NUTM2F: variants seen among roughly 807,000 people sequenced by gnomAD.
NUTM2F encodes the protein NUT family member 2F.
In NUTM2F, 22 loss-of-function variants were observed where a neutral mutation model predicts 43.3. That is an observed-to-expected ratio of 0.51 (90% CI 0.36 to 0.73). NUTM2F has a LOEUF of 0.73. NUTM2F is among the 30% of genes least tolerant of loss of function. The pLI, the probability that NUTM2F is intolerant of heterozygous loss-of-function variation, is 0.00. For synonymous variants in NUTM2F, 202 were observed against 389.0 expected (o/e 0.52, Z 5.66); for missense variants, 488 against 927.4 (o/e 0.53, Z 6.15).
chr9:94,326,199 C>T (rs985853081), intron 1 of NUTM2F, among the ~76,000 whole-genome samples: 2 of 151,910 alleles, frequency 1.3e-5, no homozygotes, highest in African/African-American at 2.4e-5. Flanking sequence ...GGGTCTCCCT[C>T]GGGTGTCCCT....
Position 94,321,343 on chromosome 9 carries a change from C to T in NUTM2F, c.843-111G>A, listed in dbSNP as rs183547293. 6.0e-3 allele frequency: 9,126 copies of T among 1,508,466 alleles called. 91 individuals carry two copies. Among genetic ancestry groups the T allele is most frequent in the South Asian group, 0.027 (2,132 of 79,780 alleles). The allele number at this position is 1,508,466 out of a possible 1,614,324, so 93.4% of individuals were successfully genotyped here. A position where few individuals can be genotyped will look rare whatever the true frequency, so the allele number is the denominator to read the frequency against. On this transcript the variant is annotated intron_variant, in intron 3 of 6. Transcript: ENST00000253262. ...GAGGGAGTGCCTCCGGCGGGCTGTC[C>T]AGGCCCTCACTGGGACCCATCCCCC...
At chr9:94,324,069 AC>A (rs1159826426) in intron 2 of NUTM2F, among the ~76,000 whole-genome samples, 3 of 151,962 alleles carry the variant, frequency 2.0e-5, no homozygotes, top group African/African-American at 7.3e-5. Context: ...GGAGTTCAAG[AC>A]CAGCCTGCTC....
chr9:94,321,930 C>T (rs939876986), intron 3 of NUTM2F, among the ~76,000 whole-genome samples: 10 of 151,670 alleles, frequency 6.6e-5, no homozygotes, highest in East Asian at 1.9e-4. Context: ...CTTTGGGCTG[C>T]GATGCTGGCT....
intron 2 of NUTM2F, among the ~76,000 whole-genome samples, chr9:94,323,594 AT>A (rs1831407194): frequency 6.6e-6 from 1 of 152,166 alleles, no homozygotes. Flanking sequence ...CCTAGTCCTG[AT>A]AATGGTAGTA....
At position 94,321,198 on chromosome 9, in the gene NUTM2F, T is replaced by C. The variant is rs1831361313; in HGVS notation, c.877A>G (p.Ile293Val). 5 of 1,573,058 alleles carry C rather than the reference T, an allele frequency of 3.2e-6. No individual in the cohort carries two copies. The highest frequency in any genetic ancestry group is 1.8e-5 in the Admixed American group (1 of 56,364). Residue 293 changes from isoleucine to valine, a missense_variant, in exon 4 of 7, where the codon ATT (isoleucine) becomes GTT (valine). Coordinates refer to ENST00000253262, the MANE Select transcript of NUTM2F (RefSeq NM_017561.2). The part of the protein sequence containing the change: ...LEFEAEEEMQ[I>V]QKSQWMKGPQ... ...CCCTTCATCCACTGCGATTTCTGAATCTGCATCTCCTCCTCAGCCTCAAAT... is the reference window on the plus strand; with the variant it reads ...CCCTTCATCCACTGCGATTTCTGAACCTGCATCTCCTCCTCAGCCTCAAAT...
Position 94,320,280 on chromosome 9 carries a change from G to A in NUTM2F, c.1296C>T (p.Asp432=), listed in dbSNP as rs373939433. 2.5e-5 allele frequency: 41 copies of A among 1,613,954 alleles called. No homozygotes were observed. Among genetic ancestry groups the A allele is most frequent in the Middle Eastern group, 3.3e-4 (2 of 6,044 alleles). The change falls in exon 5 of 7, where the codon GAC becomes GAT. Residue 432 remains aspartate, a synonymous_variant. Coordinates refer to ENST00000253262, the MANE Select transcript of NUTM2F (RefSeq NM_017561.2). The surrounding 1 kb of genome is among the most constrained non-coding windows in gnomAD (Gnocchi z 4.5). ...GGAGGCCCGGGTCTGAGGTTATCCCGTCCTCTTCCTGCGGCTGCTCCACTT... is the reference window on the plus strand; with the variant it reads ...GGAGGCCCGGGTCTGAGGTTATCCCATCCTCTTCCTGCGGCTGCTCCACTT... The part of the protein sequence containing the change: ...KGKVEQPQEE[D]GITSDPGLLS...
At chr9:94,321,919 C>A (rs1337300674) in intron 3 of NUTM2F, among the ~76,000 whole-genome samples, 1 of 151,688 alleles carries the variant, frequency 6.6e-6, no homozygotes, top group African/African-American at 2.4e-5. Context: ...GAGGAGACCC[C>A]CTTTGGGCTG....
At position 94,322,263 on chromosome 9, in the gene NUTM2F, G is replaced by T; in HGVS notation, c.780C>A (p.Ala260=). Residue 260 remains alanine (A), a synonymous_variant, in exon 3 of 7, where the codon GCC becomes GCA. Coordinates refer to ENST00000253262, the MANE Select transcript of NUTM2F (RefSeq NM_017561.2). ...TMTLEEGLWQ[A]MREWQHTSNF... ...TGCTCGTGTGCTGCCATTCCCGCAT[G>T]GCCTGCCACAGTCCCTCCTCCAGCG... 1 of 1,612,070 alleles carries T rather than the reference G, an allele frequency of 6.2e-7. No homozygotes were observed. The highest frequency in any genetic ancestry group is 8.5e-7 in the Non-Finnish European group (1 of 1,179,890).
chr9:94,319,560 C>G (rs139219303), intron 6 of NUTM2F, 53 bp downstream of exon 6: 1 of 1,610,286 alleles, frequency 6.2e-7, no homozygotes, highest in African/African-American at 1.3e-5. Flanking sequence ...CCTTGTGTGC[C>G]GGGTCCCTCC....
intron 2 of NUTM2F, among the ~76,000 whole-genome samples, chr9:94,323,322 G>A (rs1204484942): frequency 6.6e-6 from 1 of 152,240 alleles, no homozygotes; most frequent in African/African-American, 2.4e-5. Context: ...CCCCAGGCAG[G>A]GGACTCCCCT....
chr9:94,326,536 A>C (rs1332632095), intron 1 of NUTM2F, among the ~76,000 whole-genome samples: 2 of 152,082 alleles, frequency 1.3e-5, no homozygotes, highest in Non-Finnish European at 2.9e-5. Flanking sequence ...GGATCACCTG[A>C]GGTCAGGAGT....
Position 94,320,560 on chromosome 9 carries a change from G to C in NUTM2F, c.1016C>G (p.Pro339Arg), listed in dbSNP as rs201095237. The change falls in exon 5 of 7, where the codon CCG becomes CGG. Residue 339 changes from proline (P) to arginine (R), a missense_variant. Transcript: ENST00000253262. The surrounding 1 kb of genome is among the most constrained non-coding windows in gnomAD (Gnocchi z 4.5). ...YLPSKDGPKA[P>R]TACLPPPRPQ... is the part of the protein sequence containing the mutation. ...CCTGGGTGGTGGCAGGCAGGCAGTC[G>C]GGGCCTTGGGGCCATCCTTGCTGGG... 2 of 1,609,306 alleles carry C rather than the reference G, an allele frequency of 1.2e-6. No homozygotes were observed. The highest frequency in any genetic ancestry group is 1.7e-6 in the Non-Finnish European group (2 of 1,179,228).
rs1386539662 is a variant in NUTM2F at position 94,320,527 on chromosome 9, C to A, written c.1049G>T (p.Arg350Met). The A allele has an allele frequency of 5.6e-6, 9 of 1,611,310 alleles. No individual in the cohort carries two copies. Among genetic ancestry groups the A allele is most frequent in the Non-Finnish European group, 7.6e-6 (9 of 1,179,650 alleles). ...CAGGTGGGCCTTGGTCTCCGCTGGCCTCTGGGGCCTGGGTGGTGGCAGGCA... is the reference window on the plus strand; with the variant it reads ...CAGGTGGGCCTTGGTCTCCGCTGGCATCTGGGGCCTGGGTGGTGGCAGGCA... ...TACLPPPRPQ[R>M]PAETKAHLPP... Residue 350 changes from arginine to methionine, a missense_variant, in exon 5 of 7, where the codon AGG becomes ATG. Physicochemically the swap from Arg to Met is moderately conservative, Grantham distance 91 (BLOSUM62 -1). Transcript: ENST00000253262. The surrounding 1 kb of genome is among the most constrained non-coding windows in gnomAD (Gnocchi z 4.5).
intron 2 of NUTM2F, among the ~76,000 whole-genome samples, chr9:94,324,762 G>A (rs796317598): frequency 2.6e-5 from 4 of 151,666 alleles, no homozygotes; most frequent in South Asian, 2.1e-4. Context: ...AGGCTGAGGC[G>A]GGCAGATCAC....
At chr9:94,326,766 A>G (rs1028936359) in intron 1 of NUTM2F, among the ~76,000 whole-genome samples, 1 of 135,732 alleles carries the variant, frequency 7.4e-6, no homozygotes, top group African/African-American at 3.1e-5. Context: ...AAAAAAAAAA[A>G]AGAAAACCAC....
At position 94,320,935 on chromosome 9, in the gene NUTM2F, T is replaced by TATTC. The variant is rs1206875609; in HGVS notation, c.982+154_982+157dup. On this transcript the variant is annotated intron_variant, in intron 4 of 6. Coordinates refer to ENST00000253262, the MANE Select transcript of NUTM2F (RefSeq NM_017561.2). This position sits in a 1 kb window ranked among gnomAD's most constrained non-coding sequence, Gnocchi z 4.5. ...GATCACGGGCCACCCATGAAGTAGGTATTCACCTGGTCAATACCCAACATA... is the reference window on the plus strand; with the variant it reads ...GATCACGGGCCACCCATGAAGTAGGTATTCATTCACCTGGTCAATACCCAACATA... 1.3e-5 allele frequency among the ~76,000 whole-genome samples: 2 copies of TATTC among 152,108 alleles called. No homozygotes were observed. The highest frequency in any genetic ancestry group is 4.8e-5 in the African/African-American group (2 of 41,414).
chr9:94,320,420 C>A lies in NUTM2F; in HGVS notation c.1156G>T (p.Val386Phe). Reference sequence around the variant, plus strand: ...ACTTCAGGGGGGATCTCCTCAGGGACCTTGGTCTCCGCTGGCCTCTGGGGC... The same window carrying A: ...ACTTCAGGGGGGATCTCCTCAGGGAACTTGGTCTCCGCTGGCCTCTGGGGC... ...PRPQRPAETK[V>F]PEEIPPEVVQ... is the part of the protein sequence containing the mutation. Residue 386 changes from valine to phenylalanine, a missense_variant, in exon 5 of 7, where the codon GTC (valine) becomes TTC (phenylalanine). Physicochemically the swap from Val to Phe is conservative, Grantham distance 50. Transcript: ENST00000253262. This position sits in a 1 kb window ranked among gnomAD's most constrained non-coding sequence, Gnocchi z 4.5. 1 of 1,612,294 alleles carries A rather than the reference C, an allele frequency of 6.2e-7. No individual in the cohort carries two copies.
Position 94,325,912 on chromosome 9 carries a change from G to A in NUTM2F, c.39C>T (p.Gly13=), listed in dbSNP as rs375898719. 24 of 1,611,708 alleles carry A rather than the reference G, an allele frequency of 1.5e-5. No individual in the cohort carries two copies. The African/African-American group carries it at 1.6e-4, about 11-fold the overall frequency. The change falls in exon 2 of 7, where the codon GGC becomes GGT. Residue 13 remains glycine (G), a synonymous_variant. Coordinates refer to ENST00000253262, the MANE Select transcript of NUTM2F (RefSeq NM_017561.2). Reference sequence around the variant, plus strand: ...GGGAGGTGCCAGGGTTCACGGTCACGCCGGGTCCCAGCACTGGGTATGCTG... The same window carrying A: ...GGGAGGTGCCAGGGTTCACGGTCACACCGGGTCCCAGCACTGGGTATGCTG... ...SNGAYPVLGP[G]VTVNPGTSLS... is the part of the protein sequence containing the mutation.
intron 5 of NUTM2F, among the ~76,000 whole-genome samples, chr9:94,319,994 ACACT>A (rs1427829132): frequency 6.6e-6 from 1 of 152,202 alleles, no homozygotes; most frequent in Non-Finnish European, 1.5e-5. Flanking sequence ...TACACACTCC[ACACT>A]CACACCCACA....
Sources: gnomAD v4.1 joint callset for allele counts (sites outside exome capture counted in the v4.1 genomes callset) on GRCh38, gnomAD v4.1.1 for gene constraint, Gnocchi (gnomAD v3.1) non-coding constraint, MANE v1.5 for transcripts, NCBI Gene and HGNC (gene_info 2026-07-23, HGNC 2026-07-21) for gene names.